ABCA1: variants seen among roughly 807,000 people sequenced by gnomAD.
The protein encoded by ABCA1 is ATP binding cassette subfamily A member 1, also known as phospholipid-transporting ATPase ABCA1.
In ABCA1, 133 loss-of-function variants were observed where a neutral mutation model predicts 262.5. That is an observed-to-expected ratio of 0.51 (90% CI 0.44 to 0.59). The LOEUF is 0.59. Among genes scored for constraint, ABCA1 ranks in the 20% least tolerant of loss-of-function variants. The probability of loss-of-function intolerance (pLI) is 0.00; values close to 1 mark genes in which losing one functional copy is unlikely to be tolerated. For missense variants in ABCA1, 2,452 were observed against 2,777.5 expected (o/e 0.88, Z 2.63); for synonymous variants, 1,022 against 1,043.5 (o/e 0.98, Z 0.40).
In ABCA1 at chr9:104,817,291, A is replaced by T. The variant is rs1831860061; in HGVS notation, c.3535+41T>A. ...GCCTCCACTCTGCCCAGCTGGGGGA[A>T]GCTCAGGCACCACCTGAATAAGAAA... On this transcript the variant is annotated intron_variant, in intron 24 of 49. Coordinates refer to ENST00000374736, the MANE Select transcript of ABCA1 (RefSeq NM_005502.4). The surrounding 1 kb of genome is among the most constrained non-coding windows in gnomAD (Gnocchi z 4.7). The T allele has an allele frequency of 6.2e-7, 1 of 1,613,888 alleles. No individual in the cohort carries two copies. Among genetic ancestry groups the T allele is most frequent in the Non-Finnish European group, 8.5e-7 (1 of 1,179,902 alleles).
At chr9:104,791,808 C>T (rs1235118876) in intron 43 of ABCA1, 128 bp downstream of exon 43, 3 of 843,854 alleles carry the variant, frequency 3.6e-6, no homozygotes, top group African/African-American at 3.4e-5. Context: ...TGACTAATTG[C>T]TCCATCCTGG....
chr9:104,828,350 T>C (rs1832975770), intron 15 of ABCA1, among the ~76,000 whole-genome samples: 1 of 152,112 alleles, frequency 6.6e-6, no homozygotes, highest in South Asian at 2.1e-4. Flanking sequence ...GAAGAACAAC[T>C]CCAACAAGCT....
At position 104,888,058 on chromosome 9, in the gene ABCA1, G is replaced by GGTAT. The variant is rs1554744307; in HGVS notation, c.160+1043_160+1044insATAC. Among the ~76,000 whole-genome samples the GGTAT allele has an allele frequency of 5.6e-3, 780 of 140,400 alleles. 4 individuals carry two copies. The highest frequency in any genetic ancestry group is 0.021 in the African/African-American group (716 of 33,532). 92.1% of individuals were successfully genotyped at this position (140,400 alleles called of 152,430 possible). On this transcript the variant is annotated intron_variant, in intron 3 of 49. Coordinates refer to ENST00000374736, the MANE Select transcript of ABCA1 (RefSeq NM_005502.4). ...ACGTCTCAGAAAATGTTTCTTGAGG[G>GGTAT]GTGTGTGTGTGTGTGTGTGTGTGTG...
At chr9:104,811,861 G>A (rs1831310540) in intron 28 of ABCA1, among the ~76,000 whole-genome samples, 1 of 152,160 alleles carries the variant, frequency 6.6e-6, no homozygotes, top group East Asian at 1.9e-4. Flanking sequence ...TAGCCAATAA[G>A]TAGCAAAGTC....
chr9:104,799,859 G>C lies in ABCA1; in HGVS notation c.4903C>G (p.Pro1635Ala). 6.2e-7 allele frequency: 1 copy of C among 1,614,172 alleles called. No homozygotes were observed. Among genetic ancestry groups the C allele is most frequent in the Non-Finnish European group, 8.5e-7 (1 of 1,180,046 alleles). ...AGCTGCTGCTTGGTGAGATTCAGGGGATGATTGAAAGCAGTAATTCCATAA... is the reference window on the plus strand; with the variant it reads ...AGCTGCTGCTTGGTGAGATTCAGGGCATGATTGAAAGCAGTAATTCCATAA... The part of the protein sequence containing the change: ...SHYGITAFNH[P>A]LNLTKQQLSE... The change falls in exon 36 of 50, where the codon CCC (proline) becomes GCC (alanine). Residue 1635 changes from proline to alanine, a missense_variant. By Grantham distance (27) the Pro-to-Ala change is conservative. Coordinates refer to ENST00000374736, the MANE Select transcript of ABCA1 (RefSeq NM_005502.4).
chr9:104,885,214 C>T (rs769399840), intron 3 of ABCA1, among the ~76,000 whole-genome samples: 3 of 151,920 alleles, frequency 2.0e-5, no homozygotes, highest in Admixed American at 6.6e-5. Flanking sequence ...CCAGCCTGGG[C>T]GACAAGAGCG....
chr9:104,828,889 A>G, intron 15 of ABCA1, 27 bp downstream of exon 15: 1 of 1,611,530 alleles, frequency 6.2e-7, no homozygotes, highest in Non-Finnish European at 8.5e-7. Context: ...GTTTCCTGGC[A>G]GGGAAGAGCG....
chr9:104,871,721 AG>A (rs1415942344), intron 5 of ABCA1, among the ~76,000 whole-genome samples: 1 of 152,192 alleles, frequency 6.6e-6, no homozygotes, highest in Non-Finnish European at 1.5e-5. Flanking sequence ...GGAAGACAAA[AG>A]GAGTGAAAAG....
Position 104,792,776 on chromosome 9 carries a change from ACT to A in ABCA1, c.5757+8_5757+9del, listed in dbSNP as rs777392951. On this transcript the variant is annotated splice_region_variant and intron_variant, in intron 42 of 49. Transcript: ENST00000374736. ...CTGAAGATGAGCTATTGTAACCTGT[ACT>A]CTCTCACCTTCGTCAACTCCTTGAT... 21 of 1,613,812 alleles carry A rather than the reference ACT, an allele frequency of 1.3e-5. No homozygotes were observed. The highest frequency in any genetic ancestry group is 1.6e-5 in the Non-Finnish European group (19 of 1,179,964).
At chr9:104,834,940 T>A (rs1299011668) in intron 11 of ABCA1, among the ~76,000 whole-genome samples, 1 of 152,008 alleles carries the variant, frequency 6.6e-6, no homozygotes. Flanking sequence ...TGGAATTAAA[T>A]AAACACTCTT....
rs1830177067 is a variant in ABCA1, at chr9:104,799,711, T to C, written c.4943+108A>G. Reference sequence around the variant, plus strand: ...GGATCAATCCAGATTTATCATAATATAACGGTCTCTGCAGCTGTTCCCCTA... The same window carrying C: ...GGATCAATCCAGATTTATCATAATACAACGGTCTCTGCAGCTGTTCCCCTA... On this transcript the variant is annotated intron_variant, in intron 36 of 49. Transcript: ENST00000374736. 11 of 1,604,526 alleles carry C rather than the reference T, an allele frequency of 6.9e-6. No homozygotes were observed. In the South Asian group the frequency reaches 7.8e-5, roughly 11 times the overall value.
intron 24 of ABCA1, 115 bp from the exon 25 acceptor site, chr9:104,816,460 C>A: frequency 5.2e-6 from 5 of 968,430 alleles, no homozygotes; most frequent in South Asian, 1.3e-5. Context: ...CACACCTGTT[C>A]CAGGTGTTTA....
chr9:104,823,689 C>A (rs984585644), intron 18 of ABCA1, among the ~76,000 whole-genome samples: 1 of 151,998 alleles, frequency 6.6e-6, no homozygotes, highest in African/African-American at 2.4e-5. Flanking sequence ...CCTGTGAGAG[C>A]AAACAGTACC....
chr9:104,824,588 A>G lies in ABCA1; in HGVS notation c.2543-10T>C. 6.2e-7 allele frequency: 1 copy of G among 1,613,200 alleles called. No individual in the cohort carries two copies. Among genetic ancestry groups the G allele is most frequent in the Non-Finnish European group, 8.5e-7 (1 of 1,179,960 alleles). On this transcript the variant is annotated splice_polypyrimidine_tract_variant and intron_variant, in intron 17 of 49. Transcript: ENST00000374736. The stretch of plus-strand genomic sequence containing the variant: ...GGAATTCCGTACTGGCCTGAAAGCA[A>G]AGCACAGGTATGAGCCAAGCTCAGC...
chr9:104,847,828 C>G (rs745535904), intron 7 of ABCA1, among the ~76,000 whole-genome samples: 2 of 152,190 alleles, frequency 1.3e-5, no homozygotes, highest in Non-Finnish European at 2.9e-5. Flanking sequence ...AAAGATAATA[C>G]TAAGTGGATG....
chr9:104,873,049 A>G (rs958201280), intron 5 of ABCA1, among the ~76,000 whole-genome samples: 1 of 152,164 alleles, frequency 6.6e-6, no homozygotes, highest in Non-Finnish European at 1.5e-5. Context: ...CTGGATGGAA[A>G]TCAAAGACCT....
chr9:104,796,258 G>A (rs747465158), intron 38 of ABCA1, 51 bp downstream of exon 38: 5 of 1,613,832 alleles, frequency 3.1e-6, no homozygotes, highest in East Asian at 4.5e-5. Flanking sequence ...CTGACACTGG[G>A]CACCAAATGC....
intron 1 of ABCA1, among the ~76,000 whole-genome samples, chr9:104,925,503 T>C (rs981307277): frequency 7.9e-5 from 12 of 152,148 alleles, no homozygotes; most frequent in Admixed American, 5.9e-4. Context: ...CAGTCAGATA[T>C]GTCATTCTGG....
chr9:104,855,612 C>A lies in ABCA1; in HGVS notation c.720+2910G>T, dbSNP rs1835768621. On this transcript the variant is annotated intron_variant, in intron 7 of 49. Coordinates refer to ENST00000374736, the MANE Select transcript of ABCA1 (RefSeq NM_005502.4). The stretch of plus-strand genomic sequence containing the variant: ...TGAGCACCTATTGTGTGCCAGGCCC[C>A]ACACCAGGCTCTTCATATGTGTAAC... 9.2e-6 allele frequency: 13 copies of A among 1,413,896 alleles called. 1 individual carries two copies. In the South Asian group the frequency reaches 2.1e-4, roughly 22 times the overall value. 87.6% of individuals were successfully genotyped at this position (1,413,896 alleles called of 1,614,324 possible). A position where few individuals can be genotyped will look rare whatever the true frequency, so the allele number is the denominator to read the frequency against.
Sources: gnomAD v4.1 joint callset for allele counts (sites outside exome capture counted in the v4.1 genomes callset) on GRCh38, gnomAD v4.1.1 for gene constraint, Gnocchi (gnomAD v3.1) non-coding constraint, MANE v1.5 for transcripts, NCBI Gene and HGNC (gene_info 2026-07-23, HGNC 2026-07-21) for gene names.